ASTN2: variants seen among roughly 807,000 people sequenced by gnomAD.
The protein encoded by ASTN2 is astrotactin 2, also known as astrotactin-2.
Under a neutral mutation model 139.8 loss-of-function variants are expected in ASTN2, and 54 were observed. The ratio of observed to expected loss-of-function variants is 0.39; its 90% CI spans 0.31 to 0.48. ASTN2 has a LOEUF of 0.48. Ranked by LOEUF, ASTN2 falls within the 20% of genes least tolerant of loss-of-function variation. The pLI, the probability that ASTN2 is intolerant of heterozygous loss-of-function variation, is 0.95. For missense variants in ASTN2, 1,565 were observed against 1,725.1 expected (o/e 0.91, Z 1.64); for synonymous variants, 756 against 719.5 (o/e 1.05, Z -0.81).
chr9:116,862,846 A>ACACACG, intron 11 of ASTN2, among the ~76,000 whole-genome samples: 1 of 149,798 alleles, frequency 6.7e-6, no homozygotes, highest in South Asian at 2.1e-4. Context: ...ACACACATAC[A>ACACACG]CGTTAAAAAG....
At chr9:116,965,243 C>A (rs1225440526) in intron 10 of ASTN2, among the ~76,000 whole-genome samples, 1 of 152,264 alleles carries the variant, frequency 6.6e-6, no homozygotes, top group African/African-American at 2.4e-5. Flanking sequence ...TTTAGTCCAA[C>A]CTGTTAGATG....
intron 20 of ASTN2, among the ~76,000 whole-genome samples, chr9:116,446,288 G>T (rs982604320): frequency 1.5e-4 from 22 of 150,902 alleles, no homozygotes; most frequent in Admixed American, 4.0e-4. Flanking sequence ...GAGAGAGAGA[G>T]AGAGAGAGAG....
intron 1 of ASTN2, among the ~76,000 whole-genome samples, chr9:117,311,536 T>C (rs907750014): frequency 1.3e-5 from 2 of 152,166 alleles, no homozygotes; most frequent in Non-Finnish European, 2.9e-5. Flanking sequence ...GAGTCTCATC[T>C]ATCGAACCCT....
intron 16 of ASTN2, among the ~76,000 whole-genome samples, chr9:116,657,034 A>AT (rs1415062996): frequency 6.6e-6 from 1 of 152,180 alleles, no homozygotes; most frequent in African/African-American, 2.4e-5. Flanking sequence ...TATTACAGCA[A>AT]TGGCCTCCCA....
intron 13 of ASTN2, among the ~76,000 whole-genome samples, chr9:116,787,678 G>C (rs1335594829): frequency 2.0e-5 from 3 of 152,136 alleles, no homozygotes; most frequent in African/African-American, 7.2e-5. Context: ...ATTGAGTTCA[G>C]ACCTCTCTCC....
chr9:116,851,918 T>TA (rs1373232717), intron 11 of ASTN2, among the ~76,000 whole-genome samples: 1 of 152,108 alleles, frequency 6.6e-6, no homozygotes. Flanking sequence ...ATCTTTGACT[T>TA]AGGTACTGTG....
At position 117,354,270 on chromosome 9, in the gene ASTN2, G is replaced by T. The variant is rs540662323; in HGVS notation, c.442+60227C>A. Among the ~76,000 whole-genome samples, 9 of 152,104 alleles carry T rather than the reference G, an allele frequency of 5.9e-5. No individual in the cohort carries two copies. In the East Asian group the frequency reaches 1.7e-3, roughly 30 times the overall value. On this transcript the variant is annotated intron_variant, in intron 1 of 22. Transcript: ENST00000313400. ...ACACCATTAAAACTCATTATTCCAT[G>T]GCAGATGAGGCCCCTCATCATCTGG...
chr9:116,625,903 A>G (rs1045629759), intron 17 of ASTN2, among the ~76,000 whole-genome samples: 2 of 152,114 alleles, frequency 1.3e-5, no homozygotes, highest in African/African-American at 4.8e-5. Context: ...TACAAATTTC[A>G]CATTTCCTTG....
chr9:117,323,098 G>T (rs1327368254), intron 1 of ASTN2, among the ~76,000 whole-genome samples: 1 of 152,006 alleles, frequency 6.6e-6, no homozygotes, highest in Non-Finnish European at 1.5e-5. Context: ...CAGTCCTGGG[G>T]TCTGAAGTGT....
At chr9:116,903,791 G>A in intron 10 of ASTN2, among the ~76,000 whole-genome samples, 1 of 152,142 alleles carries the variant, frequency 6.6e-6, no homozygotes, top group Non-Finnish European at 1.5e-5. Context: ...AGAGGCCTGA[G>A]GCCCAAAGGA....
chr9:116,833,889 C>G (rs188122805), intron 11 of ASTN2, among the ~76,000 whole-genome samples: 17 of 152,258 alleles, frequency 1.1e-4, no homozygotes, highest in Admixed American at 6.5e-4. Flanking sequence ...TAGTACCTCA[C>G]AAGAAGAGGA....
intron 16 of ASTN2, among the ~76,000 whole-genome samples, chr9:116,694,057 C>T (rs1860709443): frequency 6.6e-6 from 1 of 152,140 alleles, no homozygotes; most frequent in African/African-American, 2.4e-5. Context: ...CCTGGCAAAG[C>T]ATGGCAGCTT....
chr9:117,120,028 A>G (rs982303726), intron 4 of ASTN2, among the ~76,000 whole-genome samples: 1,697 of 90,988 alleles, frequency 0.019, 43 homozygotes, highest in African/African-American at 0.055. Context: ...GTATATATAT[A>G]TATATATATA....
chr9:117,293,997 C>A (rs1366516626), intron 1 of ASTN2, among the ~76,000 whole-genome samples: 3 of 152,222 alleles, frequency 2.0e-5, no homozygotes, highest in Non-Finnish European at 4.4e-5. Flanking sequence ...GCGGAGCGAG[C>A]AGAGGGATGC....
chr9:116,892,242 T>C (rs4091697), intron 10 of ASTN2, among the ~76,000 whole-genome samples: 113,838 of 152,176 alleles, frequency 0.75, 46,038 homozygotes, highest in Non-Finnish European at 0.9. Flanking sequence ...ACTACTTTAT[T>C]GCAATTCTTC....
chr9:116,564,309 C>T (rs1374744234), intron 19 of ASTN2, among the ~76,000 whole-genome samples: 3 of 152,172 alleles, frequency 2.0e-5, no homozygotes, highest in African/African-American at 7.2e-5. Context: ...GAACTGATTG[C>T]CTCCCAGTCA....
chr9:117,116,511 T>C (rs1829395488), intron 4 of ASTN2, among the ~76,000 whole-genome samples: 1 of 151,908 alleles, frequency 6.6e-6, no homozygotes, highest in African/African-American at 2.4e-5. Flanking sequence ...AACTGCTAAC[T>C]TGAATAATCT....
At chr9:116,673,946 A>C (rs1859349004) in intron 16 of ASTN2, among the ~76,000 whole-genome samples, 1 of 152,212 alleles carries the variant, frequency 6.6e-6, no homozygotes, top group African/African-American at 2.4e-5. Flanking sequence ...TCTAACCTCC[A>C]TGCTGTCCTT....
At chr9:117,321,628 C>G (rs531336263) in intron 1 of ASTN2, among the ~76,000 whole-genome samples, 1 of 152,136 alleles carries the variant, frequency 6.6e-6, no homozygotes, top group Non-Finnish European at 1.5e-5. Context: ...ACAAAACTAG[C>G]GGATATTTGG....
Sources: gnomAD v4.1 joint callset for allele counts (sites outside exome capture counted in the v4.1 genomes callset) on GRCh38, gnomAD v4.1.1 for gene constraint, MANE v1.5 for transcripts, NCBI Gene and HGNC (gene_info 2026-07-23, HGNC 2026-07-21) for gene names.